The following HAUS8 variants were observed in gnomAD, a reference collection of about 807,000 sequenced individuals.
HAUS8 encodes HAUS augmin like complex subunit 8.
Under a neutral mutation model 42.9 loss-of-function variants are expected in HAUS8, and 38 were observed. That is an observed-to-expected ratio of 0.89 (90% CI 0.68 to 1.16). The LOEUF is 1.16. HAUS8 is among the 50% of genes most tolerant of loss of function. HAUS8 has a pLI of 0.00. For synonymous variants in HAUS8, 199 were observed against 205.8 expected, an observed-to-expected ratio of 0.97 and a Z score of 0.28; for missense variants, 494 against 511.6, an observed-to-expected ratio of 0.97 and a Z score of 0.33.
upstream of HAUS8, chr19:17,075,472 ACCCGC>A: frequency 6.2e-7 from 1 of 1,606,092 alleles, no homozygotes; most frequent in South Asian, 1.1e-5. Flanking sequence ...TCAAAGCCGG[ACCCGC>A]CCCCTTGCTT....
At chr19:17,050,676 G>A (rs1014705444) in intron 10 of HAUS8, among the ~76,000 whole-genome samples, 16 of 152,076 alleles carry the variant, frequency 1.1e-4, no homozygotes, top group African/African-American at 2.9e-4. Context: ...CGGGCAGATC[G>A]CCTGAGGTCA....
chr19:17,059,726 T>C, intron 5 of HAUS8, 75 bp from the exon 6 acceptor site: 2 of 954,628 alleles, frequency 2.1e-6, no homozygotes, highest in Middle Eastern at 2.2e-4. Flanking sequence ...TTTTTTCTAA[T>C]GATGGGTTTA....
chr19:17,062,686 G>A lies in HAUS8; in HGVS notation c.229+12C>T, dbSNP rs1262215597. 2 of 1,610,722 alleles carry A rather than the reference G, an allele frequency of 1.2e-6. No individual in the cohort carries two copies. Among genetic ancestry groups the A allele is most frequent in the Non-Finnish European group, 8.5e-7 (1 of 1,176,988 alleles). ...CGCTCATCACTGCCCGAGGACCATG[G>A]CTGTTTCGCACCTTTGCTTTTCTGG... On this transcript the variant is annotated intron_variant, in intron 4 of 10. Coordinates refer to ENST00000253669, the MANE Select transcript of HAUS8 (RefSeq NM_033417.2).
intron 9 of HAUS8, among the ~76,000 whole-genome samples, chr19:17,054,351 A>G (rs1449172892): frequency 1.3e-5 from 2 of 152,078 alleles, no homozygotes; most frequent in South Asian, 2.1e-4. Context: ...AGGTGACCGC[A>G]GTCATAAAAT....
chr19:17,069,560 C>T (rs149198965), intron 2 of HAUS8, among the ~76,000 whole-genome samples: 1 of 151,484 alleles, frequency 6.6e-6, no homozygotes, highest in Non-Finnish European at 1.5e-5. Context: ...CTGAGACATG[C>T]CCAACACCCA....
At chr19:17,057,597 ACTGGGTTTGT>A (rs1049960018) in intron 8 of HAUS8, among the ~76,000 whole-genome samples, 9 of 152,186 alleles carry the variant, frequency 5.9e-5, no homozygotes, top group Admixed American at 5.9e-4. Context: ...TTGAGGGTCA[ACTGGGTTTGT>A]CTCTTTTTCT....
chr19:17,049,988 C>G lies in HAUS8; in HGVS notation c.1118G>C (p.Gly373Ala). ...GGCCTGAGCGGGGGCTGACGAGGCA[C>G]CCGGGTTGTCGTCCTCAGACAGGGG... The part of the protein sequence containing the change: ...NTPLSEDDNP[G>A]ASSAPAQATF... Residue 373 changes from glycine to alanine, a missense_variant, in exon 11 of 11, where the codon GGT becomes GCT. Coordinates refer to ENST00000253669, the MANE Select transcript of HAUS8 (RefSeq NM_033417.2). The G allele has an allele frequency of 6.2e-7, 1 of 1,602,304 alleles. No individual in the cohort carries two copies. The highest frequency in any genetic ancestry group is 1.1e-5 in the South Asian group (1 of 89,552).
intron 10 of HAUS8, among the ~76,000 whole-genome samples, chr19:17,051,132 A>G (rs2057284940): frequency 6.6e-6 from 1 of 152,136 alleles, no homozygotes; most frequent in South Asian, 2.1e-4. Context: ...GTTCATGAAC[A>G]TTCTGCCGTT....
intron 3 of HAUS8, among the ~76,000 whole-genome samples, chr19:17,065,582 C>A (rs1024471085): frequency 1.2e-4 from 19 of 152,158 alleles, no homozygotes; most frequent in African/African-American, 4.1e-4. Flanking sequence ...GTAATCCCAG[C>A]ACTTTGAGAG....
At chr19:17,067,951 T>TC (rs2057396763) in intron 3 of HAUS8, among the ~76,000 whole-genome samples, 1 of 152,162 alleles carries the variant, frequency 6.6e-6, no homozygotes, top group African/African-American at 2.4e-5. Flanking sequence ...TGGTTAAATA[T>TC]CTTTCATGCC....
chr19:17,071,198 T>C (rs1052134479), intron 2 of HAUS8, among the ~76,000 whole-genome samples: 2 of 152,108 alleles, frequency 1.3e-5, no homozygotes, highest in East Asian at 3.9e-4. Flanking sequence ...CCAAGTGAGA[T>C]TGTGACTTTG....
intron 3 of HAUS8, 108 bp from the exon 4 acceptor site, chr19:17,062,887 G>A: frequency 1.2e-6 from 1 of 809,462 alleles, no homozygotes; most frequent in Non-Finnish European, 2.1e-6. Context: ...CTTTGAGGCA[G>A]GGGAGACATT....
In HAUS8 at chr19:17,075,439, T is replaced by G; in HGVS notation, c.-17A>C. 1 of 1,613,340 alleles carries G rather than the reference T, an allele frequency of 6.2e-7. No homozygotes were observed. Among genetic ancestry groups the G allele is most frequent in the Non-Finnish European group, 8.5e-7 (1 of 1,179,766 alleles). Reference sequence around the variant, plus strand: ...ATCCGCCATTTTCCCGCCTTCCACCTCAAGGCCCGACCCGCCGGCTTTTCA... The same window carrying G: ...ATCCGCCATTTTCCCGCCTTCCACCGCAAGGCCCGACCCGCCGGCTTTTCA... On this transcript the variant is annotated 5_prime_UTR_variant, in exon 1 of 11. Transcript: ENST00000253669.
intron 2 of HAUS8, among the ~76,000 whole-genome samples, chr19:17,072,103 G>A (rs996389051): frequency 2.6e-5 from 4 of 152,210 alleles, no homozygotes; most frequent in African/African-American, 9.6e-5. Context: ...GCTGTTATAT[G>A]CGAGATTAAC....
Position 17,049,978 on chromosome 19 carries a change from T to C in HAUS8, c.1128A>G (p.Ser376=). The C allele has an allele frequency of 1.2e-6, 2 of 1,601,078 alleles. No homozygotes were observed. The highest frequency in any genetic ancestry group is 8.5e-7 in the Non-Finnish European group (1 of 1,174,228). Residue 376 remains serine (S), a synonymous_variant, in exon 11 of 11, where the codon TCA becomes TCG. Coordinates refer to ENST00000253669, the MANE Select transcript of HAUS8 (RefSeq NM_033417.2). ...LSEDDNPGAS[S]APAQATFISP... Reference sequence around the variant, plus strand: ...TGATGAACGTGGCCTGAGCGGGGGCTGACGAGGCACCCGGGTTGTCGTCCT... The same window carrying C: ...TGATGAACGTGGCCTGAGCGGGGGCCGACGAGGCACCCGGGTTGTCGTCCT...
rs971994198 is a variant in HAUS8 at position 17,068,803 on chromosome 19, A to G, written c.147+228T>C. ...AGGGTAAGAACGATACCATGTTTCA[A>G]TGGAGATCACAGCTTCGTAAAAGAG... On this transcript the variant is annotated intron_variant, in intron 3 of 10. Coordinates refer to ENST00000253669, the MANE Select transcript of HAUS8 (RefSeq NM_033417.2). Among the ~76,000 whole-genome samples, 5 of 152,282 alleles carry G rather than the reference A, an allele frequency of 3.3e-5. No individual in the cohort carries two copies. In the South Asian group the frequency reaches 6.2e-4, roughly 19 times the overall value.
Position 17,055,097 on chromosome 19 carries a change from G to A in HAUS8, c.787+764C>T, listed in dbSNP as rs373031218. ...TCAAGTCCAGCCTTGGCAACATAGCGAAACCCCGTCTCTACAGAAAAAAAA... is the reference window on the plus strand; with the variant it reads ...TCAAGTCCAGCCTTGGCAACATAGCAAAACCCCGTCTCTACAGAAAAAAAA... On this transcript the variant is annotated intron_variant, in intron 9 of 10. Coordinates refer to ENST00000253669, the MANE Select transcript of HAUS8 (RefSeq NM_033417.2). 339 of 100,956 alleles carry A rather than the reference G, an allele frequency of 3.4e-3. 1 individual carries two copies. The highest frequency in any genetic ancestry group is 0.013 in the African/African-American group (323 of 25,080). 6.3% of individuals were successfully genotyped at this position (100,956 alleles called of 1,614,324 possible). A position where few individuals can be genotyped will look rare whatever the true frequency, so the allele number is the denominator to read the frequency against.
chr19:17,075,523 G>T, upstream of HAUS8: 1 of 1,317,202 alleles, frequency 7.6e-7, no homozygotes, highest in Admixed American at 1.9e-5. Flanking sequence ...CAGGAGGGGT[G>T]GCTGCGAGGC....
In HAUS8 at chr19:17,053,035, C is replaced by T. The variant is rs536490335; in HGVS notation, c.788-69G>A. ...CCACGCAAGGCACACACAAGTGGAGCGGCCGACAGACTTCTGTCATGATGC... is the reference window on the plus strand; with the variant it reads ...CCACGCAAGGCACACACAAGTGGAGTGGCCGACAGACTTCTGTCATGATGC... On this transcript the variant is annotated intron_variant, in intron 9 of 10. Transcript: ENST00000253669. 2.0e-5 allele frequency: 32 copies of T among 1,583,322 alleles called. No individual in the cohort carries two copies. The East Asian group carries it at 2.7e-4, about 13-fold the overall frequency.
Sources: gnomAD v4.1 joint callset for allele counts (sites outside exome capture counted in the v4.1 genomes callset) on GRCh38, gnomAD v4.1.1 for gene constraint, MANE v1.5 for transcripts, NCBI Gene and HGNC (gene_info 2026-07-23, HGNC 2026-07-21) for gene names.